RFX3: variants seen among roughly 807,000 people sequenced by gnomAD.
RFX3 encodes transcription factor RFX3.
A neutral mutation model predicts 98.6 loss-of-function variants in RFX3; 14 were observed. The observed-to-expected ratio is 0.14, with a 90% CI of 0.09 to 0.22. The LOEUF (loss-of-function observed/expected upper bound fraction) is 0.22. RFX3 is among the 10% of genes least tolerant of loss of function. RFX3 has a pLI of 1.00. For synonymous variants in RFX3, 383 were observed against 328.4 expected, an observed-to-expected ratio of 1.17 and a Z score of -1.80; for missense variants, 639 against 926.9, an observed-to-expected ratio of 0.69 and a Z score of 4.03.
chr9:3,341,831 G>A (rs1833920984), intron 3 of RFX3, among the ~76,000 whole-genome samples: 1 of 152,166 alleles, frequency 6.6e-6, no homozygotes, highest in African/African-American at 2.4e-5. Context: ...CAGTCAGAAT[G>A]TGTACATACG....
At chr9:3,439,320 T>C (rs1160267313) in intron 1 of RFX3, among the ~76,000 whole-genome samples, 3 of 151,854 alleles carry the variant, frequency 2.0e-5, no homozygotes, top group African/African-American at 7.2e-5. Context: ...GTAAGGATCA[T>C]GGTCAAATTC....
chr9:3,331,038 T>G (rs6476405), intron 3 of RFX3, among the ~76,000 whole-genome samples: 3,226 of 152,230 alleles, frequency 0.021, 118 homozygotes, highest in African/African-American at 0.073. Context: ...AATAGTTTAC[T>G]CACCCTGGAC....
chr9:3,291,253 C>T (rs1409811034), intron 6 of RFX3, among the ~76,000 whole-genome samples: 1 of 152,118 alleles, frequency 6.6e-6, no homozygotes, highest in Admixed American at 6.5e-5. Flanking sequence ...TGCCTGTAAT[C>T]CGGGTTACTC....
In RFX3 at chr9:3,219,264, C is replaced by T. The variant is rs1817221362; in HGVS notation, c.*5778G>A. ...CAAGGCGATCGTTTCTTCAAAAATA[C>T]TAATTTACTGAAGGAAAAATTTACT... On this transcript the variant is annotated 3_prime_UTR_variant, in exon 17 of 17. Coordinates refer to ENST00000617270, the MANE Select transcript of RFX3 (RefSeq NM_001282116.2). 6.6e-6 allele frequency: 1 copy of T among 152,050 alleles called. No homozygotes were observed. Among genetic ancestry groups the T allele is most frequent in the Non-Finnish European group, 1.5e-5 (1 of 67,996 alleles). The allele number at this position is 152,050 out of a possible 1,614,324, so 9.4% of individuals were successfully genotyped here.
At chr9:3,399,525 G>C (rs1475042154) in intron 1 of RFX3, among the ~76,000 whole-genome samples, 3 of 152,130 alleles carry the variant, frequency 2.0e-5, no homozygotes, top group African/African-American at 7.2e-5. Context: ...CACATATTAT[G>C]TGTTCTATAG....
chr9:3,261,376 A>G (rs978986730), intron 13 of RFX3, among the ~76,000 whole-genome samples: 1 of 152,136 alleles, frequency 6.6e-6, no homozygotes, highest in Non-Finnish European at 1.5e-5. Context: ...CTGGAATTTC[A>G]TACGAATGGA....
At chr9:3,230,801 G>C (rs1818352394) in intron 15 of RFX3, among the ~76,000 whole-genome samples, 1 of 152,142 alleles carries the variant, frequency 6.6e-6, no homozygotes, top group South Asian at 2.1e-4. Flanking sequence ...CTGTTGAAAA[G>C]TCTCTGCAAG....
intron 2 of RFX3, among the ~76,000 whole-genome samples, chr9:3,372,035 T>C (rs1837917159): frequency 6.6e-6 from 1 of 152,202 alleles, no homozygotes; most frequent in African/African-American, 2.4e-5. Flanking sequence ...AAATATTACA[T>C]GCCCCAAATC....
intron 16 of RFX3, 58 bp downstream of exon 16, chr9:3,228,789 T>C (rs2130646971): frequency 1.4e-6 from 2 of 1,417,956 alleles, no homozygotes; most frequent in Middle Eastern, 2.1e-4. Flanking sequence ...TATTTTCCTC[T>C]GTAAGAACTT....
chr9:3,251,751 T>C (rs757076163), intron 14 of RFX3, among the ~76,000 whole-genome samples: 3 of 152,180 alleles, frequency 2.0e-5, no homozygotes, highest in Non-Finnish European at 4.4e-5. Flanking sequence ...GTCAGGTGAA[T>C]GTTAATAAAT....
At chr9:3,394,911 G>C in intron 2 of RFX3, 1 of 831,662 alleles carries the variant, frequency 1.2e-6, no homozygotes, top group African/African-American at 1.8e-5. Context: ...GTAAATATCT[G>C]ATGATGAATT....
intron 7 of RFX3, among the ~76,000 whole-genome samples, chr9:3,278,972 C>T (rs1480738499): frequency 6.6e-6 from 1 of 151,768 alleles, no homozygotes; most frequent in Non-Finnish European, 1.5e-5. Context: ...AATGGAAAAA[C>T]CTTCTGGGAG....
chr9:3,358,191 T>G (rs1057252570), intron 2 of RFX3, among the ~76,000 whole-genome samples: 1 of 152,156 alleles, frequency 6.6e-6, no homozygotes, highest in Non-Finnish European at 1.5e-5. Flanking sequence ...ACTGTGAGGA[T>G]CCAAAGCAAT....
At chr9:3,320,806 T>TAC (rs1167036667) in intron 4 of RFX3, among the ~76,000 whole-genome samples, 1 of 122,634 alleles carries the variant, frequency 8.2e-6, no homozygotes, top group African/African-American at 3.4e-5. Flanking sequence ...TATATATATA[T>TAC]ATATAGCCTC....
intron 3 of RFX3, among the ~76,000 whole-genome samples, chr9:3,344,549 G>C (rs1186458659): frequency 3.9e-5 from 6 of 152,090 alleles, no homozygotes; most frequent in Non-Finnish European, 7.4e-5. Flanking sequence ...AGTACAAAAT[G>C]AGAAATAACT....
intron 1 of RFX3, among the ~76,000 whole-genome samples, chr9:3,429,732 C>G (rs922761545): frequency 6.6e-6 from 1 of 152,216 alleles, no homozygotes; most frequent in Non-Finnish European, 1.5e-5. Flanking sequence ...GGTAGCTACA[C>G]ATCTCCATGC....
chr9:3,302,405 T>A (rs1437192748), intron 4 of RFX3, among the ~76,000 whole-genome samples: 1 of 151,824 alleles, frequency 6.6e-6, no homozygotes, highest in African/African-American at 2.4e-5. Context: ...GATACACTCT[T>A]AATAACCTCA....
chr9:3,307,947 G>T, intron 4 of RFX3, among the ~76,000 whole-genome samples: 1 of 151,456 alleles, frequency 6.6e-6, no homozygotes, highest in South Asian at 2.1e-4. Context: ...TTACTTAATG[G>T]TACAGAACCA....
intron 1 of RFX3, among the ~76,000 whole-genome samples, chr9:3,482,858 GA>G (rs1010422969): frequency 6.7e-6 from 1 of 149,394 alleles, no homozygotes; most frequent in African/African-American, 2.5e-5. Context: ...TTCTGTAACT[GA>G]AAAAAAAAAT....
Sources: allele counts gnomAD v4.1 joint callset (sites outside exome capture counted in the v4.1 genomes callset), GRCh38; gene constraint gnomAD v4.1.1; transcripts MANE v1.5; gene names NCBI Gene and HGNC (gene_info 2026-07-23, HGNC 2026-07-21).